The following PAPPA variants were observed in gnomAD, a reference collection of about 807,000 sequenced individuals.
PAPPA encodes pappalysin 1.
A neutral mutation model predicts 164.0 loss-of-function variants in PAPPA; 60 were observed. The observed-to-expected ratio is 0.37, with a 90% confidence interval of 0.30 to 0.45. PAPPA has a LOEUF of 0.45. Among genes scored for constraint, PAPPA ranks in the 20% least tolerant of loss-of-function variants. PAPPA has a pLI of 1.00. For missense variants in PAPPA, 1,782 were observed against 2,087.3 expected (o/e 0.85, Z 2.85); for synonymous variants, 875 against 814.1 (o/e 1.07, Z -1.27).
At chr9:116,158,968 C>A (rs1843633649) in intron 1 of PAPPA, among the ~76,000 whole-genome samples, 1 of 152,224 alleles carries the variant, frequency 6.6e-6, no homozygotes, top group Non-Finnish European at 1.5e-5. Flanking sequence ...TATTCACATG[C>A]TCTTCCTTAA....
At chr9:116,276,797 G>A (rs1845204046) in intron 9 of PAPPA, among the ~76,000 whole-genome samples, 1 of 152,006 alleles carries the variant, frequency 6.6e-6, no homozygotes, top group Non-Finnish European at 1.5e-5. Context: ...CTGTCCTAGA[G>A]CCAGGGCCAG....
At position 116,173,821 on chromosome 9, in the gene PAPPA, A is replaced by G. The variant is rs377488246; in HGVS notation, c.416-13333A>G. Among the ~76,000 whole-genome samples the G allele has an allele frequency of 1.3e-4, 20 of 152,332 alleles. 1 individual carries two copies. The highest frequency in any genetic ancestry group is 4.8e-4 in the African/African-American group (20 of 41,574). On this transcript the variant is annotated intron_variant, in intron 1 of 21. Transcript: ENST00000328252. ...TCCCTGCACCTTCTTGTCAGAATCA[A>G]GTAGTCTTTCTGCTGAGCTCTATTT... is the stretch of plus-strand genomic sequence containing the variant.
At chr9:116,363,708 G>T (rs1444093394) in intron 18 of PAPPA, among the ~76,000 whole-genome samples, 1 of 152,146 alleles carries the variant, frequency 6.6e-6, no homozygotes, top group African/African-American at 2.4e-5. Context: ...TGGTGTAGAA[G>T]GTTATCTGAA....
intron 17 of PAPPA, among the ~76,000 whole-genome samples, chr9:116,360,813 AG>A (rs1174553263): frequency 6.6e-6 from 1 of 152,154 alleles, no homozygotes; most frequent in African/African-American, 2.4e-5. Context: ...TGAGGATACA[AG>A]GTTGAATAGG....
At chr9:116,374,820 T>C (rs1019688659) in intron 19 of PAPPA, among the ~76,000 whole-genome samples, 2 of 152,170 alleles carry the variant, frequency 1.3e-5, no homozygotes. Flanking sequence ...GAGAGGAAAA[T>C]CTGGTTAAGA....
intron 1 of PAPPA, among the ~76,000 whole-genome samples, chr9:116,172,614 T>C (rs1343840017): frequency 6.6e-6 from 1 of 152,176 alleles, no homozygotes; most frequent in Non-Finnish European, 1.5e-5. Context: ...AAAACACATA[T>C]TTCTCCCTCT....
chr9:116,384,475 T>G (rs887791541), intron 21 of PAPPA, among the ~76,000 whole-genome samples: 42 of 152,014 alleles, frequency 2.8e-4, no homozygotes, highest in African/African-American at 7.5e-4. Context: ...AAAGTTCTGA[T>G]AGTAGTATAA....
intron 10 of PAPPA, among the ~76,000 whole-genome samples, chr9:116,314,800 CCATATCCCTCCCCTGA>C (rs1390353346): frequency 6.6e-6 from 1 of 152,200 alleles, no homozygotes; most frequent in Non-Finnish European, 1.5e-5. Flanking sequence ...GGCTCCTCTT[CCATATCCCTCCCCTGA>C]CAACCTCAGC....
rs71377228 is a variant in PAPPA, at chr9:116,231,766, CTTT to C, written c.2234-3363_2234-3361del. On this transcript the variant is annotated intron_variant, in intron 6 of 21. Coordinates refer to ENST00000328252, the MANE Select transcript of PAPPA (RefSeq NM_002581.5). ...GTGGTTTTTCTTTTCTTTTCTTTTT[CTTT>C]TTTTTTTTTGAGATGGAGTTTCACT... 2.4e-4 allele frequency among the ~76,000 whole-genome samples: 14 copies of C among 57,524 alleles called. 2 individuals are homozygous for C. The highest frequency in any genetic ancestry group is 3.1e-4 in the Non-Finnish European group (10 of 32,224). 37.7% of individuals were successfully genotyped at this position (57,524 alleles called of 152,430 possible).
At chr9:116,348,127 T>C (rs1367016399) in intron 15 of PAPPA, among the ~76,000 whole-genome samples, 1 of 152,114 alleles carries the variant, frequency 6.6e-6, no homozygotes, top group African/African-American at 2.4e-5. Flanking sequence ...ATTTTGACAG[T>C]TGGTGATCCC....
At chr9:116,284,465 C>T (rs1845305733) in intron 9 of PAPPA, among the ~76,000 whole-genome samples, 1 of 151,616 alleles carries the variant, frequency 6.6e-6, no homozygotes, top group Non-Finnish European at 1.5e-5. Context: ...TCAGCAGTCT[C>T]CAATGTTCCA....
In PAPPA at chr9:116,397,261, A is replaced by C. The variant is rs1588035669; in HGVS notation, c.*645A>C. 1.3e-5 allele frequency: 2 copies of C among 152,796 alleles called. No individual in the cohort carries two copies. The highest frequency in any genetic ancestry group is 1.3e-4 in the Admixed American group (2 of 15,306). The allele number at this position is 152,796 out of a possible 1,614,324, so 9.5% of individuals were successfully genotyped here. Reference sequence around the variant, plus strand: ...TAGGAAGAGGTAAAGATTATCAGGTATGCAAAGCGCCCCAATTCTTCTGCT... The same window carrying C: ...TAGGAAGAGGTAAAGATTATCAGGTCTGCAAAGCGCCCCAATTCTTCTGCT... On this transcript the variant is annotated 3_prime_UTR_variant, in exon 22 of 22. Coordinates refer to ENST00000328252, the MANE Select transcript of PAPPA (RefSeq NM_002581.5).
At chr9:116,278,871 T>C (rs1845233812) in intron 9 of PAPPA, among the ~76,000 whole-genome samples, 1 of 152,216 alleles carries the variant, frequency 6.6e-6, no homozygotes, top group Admixed American at 6.5e-5. Flanking sequence ...ACATAACATC[T>C]ATAGAGTGTT....
At chr9:116,313,938 A>G (rs1845754129) in intron 10 of PAPPA, among the ~76,000 whole-genome samples, 1 of 152,068 alleles carries the variant, frequency 6.6e-6, no homozygotes, top group Non-Finnish European at 1.5e-5. Flanking sequence ...CATCTGTAAA[A>G]TTAAATAATT....
At chr9:116,283,537 G>A (rs549267121) in intron 9 of PAPPA, among the ~76,000 whole-genome samples, 76 of 152,270 alleles carry the variant, frequency 5.0e-4, no homozygotes, top group Middle Eastern at 6.8e-3. Flanking sequence ...CATGATAGGA[G>A]CAGTATTTTA....
intron 9 of PAPPA, among the ~76,000 whole-genome samples, chr9:116,289,399 T>TGCC (rs1845406848): frequency 1.2e-5 from 1 of 80,358 alleles, no homozygotes; most frequent in African/African-American, 4.2e-5. Flanking sequence ...TATATAGCTA[T>TGCC]ATATATATAG....
At chr9:116,334,258 A>C (rs898050614) in intron 12 of PAPPA, among the ~76,000 whole-genome samples, 27 of 151,298 alleles carry the variant, frequency 1.8e-4, no homozygotes, top group Non-Finnish European at 3.4e-4. Context: ...AAAAAAAAAA[A>C]AACAGGGCTC....
rs746171158 is a variant in PAPPA at position 116,195,802 on chromosome 9, G to A, written c.1478+7586G>A. Among the ~76,000 whole-genome samples, 10 of 152,222 alleles carry A rather than the reference G, an allele frequency of 6.6e-5. No homozygotes were observed. In the South Asian group the frequency reaches 1.2e-3, roughly 19 times the overall value. ...AGCCCCCTCACTACAATCTCAGTGC[G>A]GGAGTAAGAGACAGAAGTAACCTAA... On this transcript the variant is annotated intron_variant, in intron 2 of 21. Transcript: ENST00000328252.
At chr9:116,293,361 G>C (rs1845460525) in intron 9 of PAPPA, among the ~76,000 whole-genome samples, 1 of 152,196 alleles carries the variant, frequency 6.6e-6, no homozygotes, top group Non-Finnish European at 1.5e-5. Context: ...GGAGACTAAT[G>C]ATGTAGGAAA....
Sources: allele counts gnomAD v4.1 joint callset (sites outside exome capture counted in the v4.1 genomes callset), GRCh38; gene constraint gnomAD v4.1.1; transcripts MANE v1.5; gene names NCBI Gene and HGNC (gene_info 2026-07-23, HGNC 2026-07-21).